The following SH3BGRL2 variants were observed in gnomAD, a reference collection of about 807,000 sequenced individuals.
SH3BGRL2 encodes SH3 domain binding glutamate rich protein like 2, also known as SH3 domain-binding glutamic acid-rich-like protein 2.
Under a neutral mutation model 14.8 loss-of-function variants are expected in SH3BGRL2, and 21 were observed. The ratio of observed to expected loss-of-function variants is 1.42; its 90% CI spans 1.01 to 2.05. The LOEUF (loss-of-function observed/expected upper bound fraction) is 2.05, where lower values mean the gene tolerates loss of function less well. SH3BGRL2 is among the 30% of genes most tolerant of loss of function. The pLI is 0.00. For missense variants in SH3BGRL2, 147 were observed against 130.8 expected (o/e 1.12, Z -0.61); for synonymous variants, 50 against 47.8 (o/e 1.05, Z -0.19).
At chr6:79,608,007 A>G in the SH3BGRL2 span, among the ~76,000 whole-genome samples, 1 of 152,182 alleles carries the variant, frequency 6.6e-6, no homozygotes, top group Non-Finnish European at 1.5e-5. Context: ...TACAGGAAGC[A>G]TGGCTGGTGA....
At chr6:79,679,905 C>A (rs915548757) in intron 2 of SH3BGRL2, among the ~76,000 whole-genome samples, 1 of 152,062 alleles carries the variant, frequency 6.6e-6, no homozygotes, top group African/African-American at 2.4e-5. Flanking sequence ...TATTCAGGTT[C>A]TTTGCCCATT....
At chr6:79,651,817 G>A (rs994077995) in intron 1 of SH3BGRL2, among the ~76,000 whole-genome samples, 2 of 152,150 alleles carry the variant, frequency 1.3e-5, no homozygotes, top group African/African-American at 4.8e-5. Flanking sequence ...ATAAATGGGA[G>A]TTTGGTGAAG....
At chr6:79,545,788 T>C in the SH3BGRL2 span, among the ~76,000 whole-genome samples, 1 of 152,182 alleles carries the variant, frequency 6.6e-6, no homozygotes, top group Non-Finnish European at 1.5e-5. Flanking sequence ...AATCTTTCTG[T>C]ATTCAGGAAA....
the SH3BGRL2 span, among the ~76,000 whole-genome samples, chr6:79,613,891 A>G: frequency 6.6e-6 from 1 of 152,150 alleles, no homozygotes; most frequent in African/African-American, 2.4e-5. Context: ...TACAGGTGTG[A>G]GCCACCATGC....
chr6:79,540,937 G>A, the SH3BGRL2 span, among the ~76,000 whole-genome samples: 689 of 152,216 alleles, frequency 4.5e-3, 3 homozygotes, highest in Non-Finnish European at 7.0e-3. Context: ...TGAATATGCT[G>A]TTTTGACTGA....
intron 1 of SH3BGRL2, among the ~76,000 whole-genome samples, chr6:79,668,600 T>TG (rs1259995151): frequency 1.3e-5 from 2 of 151,796 alleles, no homozygotes; most frequent in African/African-American, 2.4e-5. Context: ...CTGAAGTTAG[T>TG]GGGGGGGAGT....
At chr6:79,693,419 C>A (rs1470956258) in intron 2 of SH3BGRL2, among the ~76,000 whole-genome samples, 3 of 151,426 alleles carry the variant, frequency 2.0e-5, no homozygotes, top group Non-Finnish European at 4.4e-5. Flanking sequence ...TGAGAGAGGG[C>A]ATCCCTGTCT....
chr6:79,671,783 C>A, intron 1 of SH3BGRL2, among the ~76,000 whole-genome samples: 1 of 152,180 alleles, frequency 6.6e-6, no homozygotes, highest in Admixed American at 6.5e-5. Flanking sequence ...ACTGCCTGCC[C>A]CCGCCACCCT....
At chr6:79,682,678 TGAA>T (rs1770011209) in intron 2 of SH3BGRL2, among the ~76,000 whole-genome samples, 1 of 152,212 alleles carries the variant, frequency 6.6e-6, no homozygotes, top group Admixed American at 6.5e-5. Context: ...CCACTTGATT[TGAA>T]GATTTTCATC....
chr6:79,677,455 T>C (rs184435185), intron 2 of SH3BGRL2, among the ~76,000 whole-genome samples: 1 of 152,180 alleles, frequency 6.6e-6, no homozygotes, highest in East Asian at 1.9e-4. Flanking sequence ...GACCAATCAG[T>C]TTTTTCTACC....
At chr6:79,546,009 A>T in the SH3BGRL2 span, among the ~76,000 whole-genome samples, 7 of 151,306 alleles carry the variant, frequency 4.6e-5, no homozygotes, top group East Asian at 1.9e-4. Flanking sequence ...CCTTACATTT[A>T]AAAAAAAATA....
the SH3BGRL2 span, among the ~76,000 whole-genome samples, chr6:79,613,413 T>G: frequency 6.6e-6 from 1 of 152,228 alleles, no homozygotes; most frequent in African/African-American, 2.4e-5. Context: ...TTATAGGTTA[T>G]AGTATGCACT....
the SH3BGRL2 span, among the ~76,000 whole-genome samples, chr6:79,596,635 A>G: frequency 2.0e-5 from 3 of 152,166 alleles, no homozygotes; most frequent in African/African-American, 7.2e-5. Context: ...ACCTAAATAA[A>G]TGAAAAGACA....
At chr6:79,552,431 A>G in the SH3BGRL2 span, among the ~76,000 whole-genome samples, 32,571 of 152,114 alleles carry the variant, frequency 0.21, 3,588 homozygotes, top group African/African-American at 0.27. Flanking sequence ...GGTCCTGTTT[A>G]TAATCTGGGA....
chr6:79,538,031 T>TTTTTTTTTTG, the SH3BGRL2 span, among the ~76,000 whole-genome samples: 1 of 108,904 alleles, frequency 9.2e-6, no homozygotes, highest in Non-Finnish European at 2.0e-5. Context: ...TTTTTTTTTT[T>TTTTTTTTTTG]TTTTTTTTTT....
the SH3BGRL2 span, among the ~76,000 whole-genome samples, chr6:79,562,239 T>C: frequency 6.6e-6 from 1 of 152,138 alleles, no homozygotes; most frequent in African/African-American, 2.4e-5. Flanking sequence ...CACACATATG[T>C]ATACACATAT....
At chr6:79,648,646 T>C (rs552746444) in intron 1 of SH3BGRL2, among the ~76,000 whole-genome samples, 1 of 152,080 alleles carries the variant, frequency 6.6e-6, no homozygotes, top group African/African-American at 2.4e-5. Flanking sequence ...GTTAGGGACC[T>C]GTTCTGTTTA....
chr6:79,631,275 G>C (rs1157486060), upstream of SH3BGRL2: 11 of 436,420 alleles, frequency 2.5e-5, no homozygotes, highest in Non-Finnish European at 4.4e-5. Context: ...TTCCCCTTCA[G>C]CCTGCGGCCG....
chr6:79,559,386 G>A, the SH3BGRL2 span, among the ~76,000 whole-genome samples: 8 of 152,082 alleles, frequency 5.3e-5, no homozygotes, highest in African/African-American at 1.9e-4. Flanking sequence ...ACTGGAAAAG[G>A]ACTCAACACC....
Sources: allele counts gnomAD v4.1 joint callset (sites outside exome capture counted in the v4.1 genomes callset), GRCh38; gene constraint gnomAD v4.1.1; transcripts MANE v1.5; gene names NCBI Gene and HGNC (gene_info 2026-07-23, HGNC 2026-07-21).